The following PEX11A variants were observed in gnomAD, a reference collection of about 807,000 sequenced individuals.
PEX11A encodes the protein peroxisomal biogenesis factor 11 alpha, also known as peroxisomal membrane protein 11A.
A neutral mutation model predicts 14.4 loss-of-function variants in PEX11A; 13 were observed. The ratio of observed to expected loss-of-function variants is 0.90; its 90% CI spans 0.59 to 1.43. PEX11A has a LOEUF of 1.43. PEX11A is among the 40% of genes most tolerant of loss of function. The pLI is 0.00. For missense variants in PEX11A, 290 were observed against 302.8 expected (o/e 0.96, Z 0.31); for synonymous variants, 101 against 113.0 (o/e 0.89, Z 0.67).
chr15:89,689,279 C>A (rs1964747633), intron 1 of PEX11A, among the ~76,000 whole-genome samples: 1 of 152,146 alleles, frequency 6.6e-6, no homozygotes, highest in Non-Finnish European at 1.5e-5. Flanking sequence ...GTTTCTCCAT[C>A]TGAAGTGGGT....
At position 89,682,612 on chromosome 15, in the gene PEX11A, T is replaced by A. The variant is rs757325134; in HGVS notation, c.*765A>T. On this transcript the variant is annotated 3_prime_UTR_variant, in exon 3 of 3. Coordinates refer to ENST00000300056, the MANE Select transcript of PEX11A (RefSeq NM_003847.3). ...CAATTCTGAAGACAGTGGGAGAGCA[T>A]GGAGAGAACACTGGATTAGGAGTCA... 3 of 152,222 alleles carry A rather than the reference T, an allele frequency of 2.0e-5. No homozygotes were observed. In the South Asian group the frequency reaches 6.2e-4, roughly 32 times the overall value. The allele number at this position is 152,222 out of a possible 1,614,324, so 9.4% of individuals were successfully genotyped here.
intron 1 of PEX11A, 80 bp downstream of exon 1, chr15:89,690,496 CT>C: frequency 1.2e-5 from 13 of 1,081,902 alleles, no homozygotes; most frequent in Non-Finnish European, 1.2e-5. Context: ...CTATCACCTC[CT>C]TTTTCCCGGG....
At position 89,683,621 on chromosome 15, in the gene PEX11A, A is replaced by G. The variant is rs2141547307; in HGVS notation, c.500T>C (p.Phe167Ser). 1 of 1,614,172 alleles carries G rather than the reference A, an allele frequency of 6.2e-7. No individual in the cohort carries two copies. The highest frequency in any genetic ancestry group is 1.1e-5 in the South Asian group (1 of 91,088). ...EKSASQDPLW[F>S]SVAEEETEWL... Reference sequence around the variant, plus strand: ...TTCTGTTTCCTCCTCAGCCACGCTGAACCAAAGAGGATCCTGGGATGCTGA... The same window carrying G: ...TTCTGTTTCCTCCTCAGCCACGCTGGACCAAAGAGGATCCTGGGATGCTGA... The change falls in exon 3 of 3, where the codon TTC becomes TCC. Residue 167 changes from phenylalanine to serine, a missense_variant. By Grantham distance (155) the Phe-to-Ser change is radical. Coordinates refer to ENST00000300056, the MANE Select transcript of PEX11A (RefSeq NM_003847.3).
At chr15:89,687,352 C>T (rs975216729) in intron 1 of PEX11A, among the ~76,000 whole-genome samples, 15 of 152,092 alleles carry the variant, frequency 9.9e-5, no homozygotes, top group Admixed American at 5.9e-4. Context: ...TTTTTATAAA[C>T]GAAAGGACCA....
intron 1 of PEX11A, chr15:89,687,937 A>G (rs1339274912): frequency 7.6e-6 from 4 of 528,476 alleles, no homozygotes; most frequent in Non-Finnish European, 1.4e-5. Context: ...GATACTTAGA[A>G]CTGGATCACT....
Position 89,683,158 on chromosome 15 carries a change from G to A in PEX11A, c.*219C>T, listed in dbSNP as rs2049791856. On this transcript the variant is annotated 3_prime_UTR_variant, in exon 3 of 3. Coordinates refer to ENST00000300056, the MANE Select transcript of PEX11A (RefSeq NM_003847.3). ...ATGTTAGATGAAGGGAAAATATTCA[G>A]AAATTCACAAGTCACTCCAGCACTC... The A allele has an allele frequency of 7.6e-6, 4 of 524,598 alleles. No homozygotes were observed. In the South Asian group the frequency reaches 9.6e-5, roughly 13 times the overall value. 32.5% of individuals were successfully genotyped at this position (524,598 alleles called of 1,614,324 possible).
In PEX11A at chr15:89,690,716, T is replaced by A. The variant is rs957056027; in HGVS notation, c.-84A>T. 4.2e-6 allele frequency: 4 copies of A among 950,888 alleles called. No homozygotes were observed. Among genetic ancestry groups the A allele is most frequent in the Non-Finnish European group, 6.4e-6 (4 of 624,632 alleles). The allele number at this position is 950,888 out of a possible 1,614,324, so 58.9% of individuals were successfully genotyped here. On this transcript the variant is annotated 5_prime_UTR_variant, in exon 1 of 3. Coordinates refer to ENST00000300056, the MANE Select transcript of PEX11A (RefSeq NM_003847.3). ...CGTCGGATCCCCAGGGAACGGTCAGTCCCAGGTTATCCGCTGAGGGGGAGG... is the reference window on the plus strand; with the variant it reads ...CGTCGGATCCCCAGGGAACGGTCAGACCCAGGTTATCCGCTGAGGGGGAGG...
chr15:89,684,030 G>A, intron 2 of PEX11A, 82 bp from the exon 3 acceptor site: 2 of 1,064,232 alleles, frequency 1.9e-6, no homozygotes, highest in Middle Eastern at 2.1e-4. Context: ...AGGGTGAGGA[G>A]CCAGCTTTTT....
At chr15:89,686,360 G>A (rs1378853316) in intron 2 of PEX11A, 71 bp downstream of exon 2, 19 of 724,044 alleles carry the variant, frequency 2.6e-5, no homozygotes, top group Admixed American at 2.4e-4. Flanking sequence ...AAATTACTCC[G>A]TGAATTACAG....
rs1964619766 is a variant in PEX11A at position 89,682,953 on chromosome 15, A to C, written c.*424T>G. The C allele has an allele frequency of 6.0e-6, 1 of 165,818 alleles. No individual in the cohort carries two copies. Among genetic ancestry groups the C allele is most frequent in the African/African-American group, 2.4e-5 (1 of 41,590 alleles). The allele number at this position is 165,818 out of a possible 1,614,324, so 10.3% of individuals were successfully genotyped here. On this transcript the variant is annotated 3_prime_UTR_variant, in exon 3 of 3. Transcript: ENST00000300056. The stretch of plus-strand genomic sequence containing the variant: ...GACATCAGAGCCTCTACTAGATCTG[A>C]GAGTGCCATGCACCAGACCTACTGT...
rs1282904265 is a variant in PEX11A, at chr15:89,687,950, G to A, written c.57-1404C>T. 9.2e-6 allele frequency: 5 copies of A among 543,564 alleles called. No individual in the cohort carries two copies. The East Asian group carries it at 1.9e-4, about 21-fold the overall frequency. The allele number at this position is 543,564 out of a possible 1,614,324, so 33.7% of individuals were successfully genotyped here. A position where few individuals can be genotyped will look rare whatever the true frequency, so the allele number is the denominator to read the frequency against. ...ATGATACTTAGAACTGGATCACTTG[G>A]CCCTTTCTCTTCTTATCTCCTCCCA... is the stretch of plus-strand genomic sequence containing the variant. On this transcript the variant is annotated intron_variant, in intron 1 of 2. Coordinates refer to ENST00000300056, the MANE Select transcript of PEX11A (RefSeq NM_003847.3).
At chr15:89,686,346 C>T (rs905722553) in intron 2 of PEX11A, 85 bp downstream of exon 2, 2 of 686,368 alleles carry the variant, frequency 2.9e-6, no homozygotes, top group African/African-American at 3.6e-5. Context: ...AATTAATGAC[C>T]TAGAAATTAC....
rs1964817774 is a variant in PEX11A, at chr15:89,690,613, A to C, written c.20T>G (p.Phe7Cys). The C allele has an allele frequency of 6.4e-7, 1 of 1,551,228 alleles. No homozygotes were observed. The highest frequency in any genetic ancestry group is 8.7e-7 in the Non-Finnish European group (1 of 1,146,906). ...GTCCCGGCCCTGGGTCTGGTTGGTG[A>C]AGCGGGTGAAGGCGTCCATGGCTTC... is the stretch of plus-strand genomic sequence containing the variant. MDAFTR[F>C]TNQTQGRDRL... The change falls in exon 1 of 3, where the codon TTC becomes TGC. Residue 7 changes from phenylalanine to cysteine, a missense_variant. By Grantham distance (205) the Phe-to-Cys change is radical. Transcript: ENST00000300056.
In PEX11A at chr15:89,683,931, C is replaced by T; in HGVS notation, c.190G>A (p.Val64Met). 1 of 1,611,928 alleles carries T rather than the reference C, an allele frequency of 6.2e-7. No individual in the cohort carries two copies. Among genetic ancestry groups the T allele is most frequent in the South Asian group, 1.1e-5 (1 of 90,796 alleles). The part of the protein sequence containing the change: ...TGRKWFRLGN[V>M]VHAIQATEQS... Reference sequence around the variant, plus strand: ...TCAGTTGCCTGTATAGCATGTACCACATTGCCTAGTCTGAACCCTGCAAGT... The same window carrying T: ...TCAGTTGCCTGTATAGCATGTACCATATTGCCTAGTCTGAACCCTGCAAGT... The change falls in exon 3 of 3, where the codon GTG (valine) becomes ATG (methionine). Residue 64 changes from valine (V) to methionine (M), a missense_variant. By Grantham distance (21) the Val-to-Met change is conservative (BLOSUM62 1). Coordinates refer to ENST00000300056, the MANE Select transcript of PEX11A (RefSeq NM_003847.3).
Position 89,690,733 on chromosome 15 carries a change from A to G in PEX11A, c.-101T>C. ...ACGGTCAGTCCCAGGTTATCCGCTGAGGGGGAGGGGCTGAGTCTCTCCGCC... is the reference window on the plus strand; with the variant it reads ...ACGGTCAGTCCCAGGTTATCCGCTGGGGGGGAGGGGCTGAGTCTCTCCGCC... On this transcript the variant is annotated 5_prime_UTR_variant, in exon 1 of 3. Transcript: ENST00000300056. 1 of 804,580 alleles carries G rather than the reference A, an allele frequency of 1.2e-6. No individual in the cohort carries two copies. Among genetic ancestry groups the G allele is most frequent in the Non-Finnish European group, 2.0e-6 (1 of 505,516 alleles). The allele number at this position is 804,580 out of a possible 1,614,324, so 49.8% of individuals were successfully genotyped here.
In PEX11A at chr15:89,683,845, G is replaced by T. The variant is rs778934561; in HGVS notation, c.276C>A (p.Asn92Lys). 7 of 1,613,914 alleles carry T rather than the reference G, an allele frequency of 4.3e-6. No homozygotes were observed. The highest frequency in any genetic ancestry group is 2.2e-5 in the East Asian group (1 of 44,880). Residue 92 changes from asparagine (N) to lysine (K), a missense_variant, in exon 3 of 3, where the codon AAC (asparagine) becomes AAA (lysine). Physicochemically the swap from Asn to Lys is moderately conservative, Grantham distance 94. Coordinates refer to ENST00000300056, the MANE Select transcript of PEX11A (RefSeq NM_003847.3). ...TGTCACAGATGAAATAAATCACACG[G>T]TTCAGGTTGGCTAATGTTAAGCATA... is the stretch of plus-strand genomic sequence containing the variant. ...PRLCLTLANL[N>K]RVIYFICDTI...
intron 1 of PEX11A, among the ~76,000 whole-genome samples, chr15:89,688,861 G>A (rs561327631): frequency 1.5e-4 from 23 of 151,424 alleles, no homozygotes; most frequent in South Asian, 4.2e-4. Context: ...GACTGCAGGC[G>A]CCCACCACAA....
intron 1 of PEX11A, chr15:89,688,022 T>C (rs1964702305): frequency 2.0e-5 from 11 of 540,626 alleles, no homozygotes; most frequent in South Asian, 1.5e-4. Context: ...TCTTAGATCT[T>C]CACTGGGCTC....
rs188265223 is a variant in PEX11A at position 89,689,278 on chromosome 15, T to C, written c.56+1299A>G. Among the ~76,000 whole-genome samples, 5 of 152,304 alleles carry C rather than the reference T, an allele frequency of 3.3e-5. No individual in the cohort carries two copies. In the East Asian group the frequency reaches 9.6e-4, roughly 29 times the overall value. ...ACCTCTTTCTGCTTCAGTTTCTCCATCTGAAGTGGGTAAAATATTTAGAGT... is the reference window on the plus strand; with the variant it reads ...ACCTCTTTCTGCTTCAGTTTCTCCACCTGAAGTGGGTAAAATATTTAGAGT... On this transcript the variant is annotated intron_variant, in intron 1 of 2. Transcript: ENST00000300056.
Sources: gnomAD v4.1 joint callset for allele counts (sites outside exome capture counted in the v4.1 genomes callset) on GRCh38, gnomAD v4.1.1 for gene constraint, MANE v1.5 for transcripts, NCBI Gene and HGNC (gene_info 2026-07-23, HGNC 2026-07-21) for gene names.